Variants in SYNE1 observed in about 807,000 individuals in gnomAD.
SYNE1 encodes spectrin repeat containing nuclear envelope protein 1, also known as nesprin-1.
SYNE1 carries 616 observed loss-of-function variants against 1,111.0 expected under a neutral mutation model. The ratio of observed to expected loss-of-function variants is 0.55; its 90% CI spans 0.52 to 0.59. The LOEUF (loss-of-function observed/expected upper bound fraction) is 0.59. Ranked by LOEUF, SYNE1 falls within the 20% of genes least tolerant of loss-of-function variation. The probability of loss-of-function intolerance (pLI) is 0.00; values close to 1 mark genes in which losing one functional copy is unlikely to be tolerated. For synonymous variants in SYNE1, 3,855 were observed against 3,825.8 expected (o/e 1.01, Z -0.28); for missense variants, 10,006 against 10,417.0 (o/e 0.96, Z 1.72).
chr6:152,394,245 G>C (rs1461902799), intron 51 of SYNE1, among the ~76,000 whole-genome samples: 1 of 152,168 alleles, frequency 6.6e-6, no homozygotes, highest in African/African-American at 2.4e-5. Flanking sequence ...ATTTGGGTTG[G>C]TTCCAAGTCT....
At chr6:152,143,234 A>G (rs192417429) in intron 138 of SYNE1, among the ~76,000 whole-genome samples, 1 of 152,346 alleles carries the variant, frequency 6.6e-6, no homozygotes, top group Admixed American at 6.5e-5. Flanking sequence ...AGAACTACCA[A>G]AAAAACTGCA....
chr6:152,485,258 G>A (rs2098933081), intron 12 of SYNE1, among the ~76,000 whole-genome samples: 1 of 152,170 alleles, frequency 6.6e-6, no homozygotes, highest in South Asian at 2.1e-4. Flanking sequence ...TCAAGGACAA[G>A]TAGTAGAGGT....
At chr6:152,561,314 A>T (rs2099394532) in intron 3 of SYNE1, among the ~76,000 whole-genome samples, 1 of 152,188 alleles carries the variant, frequency 6.6e-6, no homozygotes, top group Non-Finnish European at 1.5e-5. Context: ...TAAATTTTAA[A>T]AATATTCTAT....
chr6:152,355,972 AAGG>A (rs1262052860), intron 66 of SYNE1, among the ~76,000 whole-genome samples: 1 of 152,228 alleles, frequency 6.6e-6, no homozygotes, highest in African/African-American at 2.4e-5. Context: ...ATGCACATGG[AAGG>A]AGAAGAACTA....
At chr6:152,475,782 A>G (rs576542592) in intron 14 of SYNE1, among the ~76,000 whole-genome samples, 1 of 152,332 alleles carries the variant, frequency 6.6e-6, no homozygotes, top group Non-Finnish European at 1.5e-5. Flanking sequence ...AAAGAAGGGA[A>G]AGGGCTGCAG....
Position 152,409,201 on chromosome 6 carries a change from T to A in SYNE1, c.6407A>T (p.Asn2136Ile). 1 of 1,614,166 alleles carries A rather than the reference T, an allele frequency of 6.2e-7. No individual in the cohort carries two copies. The highest frequency in any genetic ancestry group is 8.5e-7 in the Non-Finnish European group (1 of 1,180,020). Residue 2136 changes from asparagine (N) to isoleucine (I), a missense_variant, in exon 44 of 146, where the codon AAT becomes ATT. Physicochemically the swap from Asn to Ile is moderately radical, Grantham distance 149. Around this residue, in one of 7 missense-constraint regions of SYNE1, gnomAD observed 4,955 missense variants for 5,017.2 expected, o/e 0.99. Transcript: ENST00000367255. ...GTTATCCAAGTCTTTCTGTTTGTAA[T>A]TCATTTTGTTCTTGGCAGTTTCATG... is the stretch of plus-strand genomic sequence containing the variant. Reference protein sequence around the residue: ...SKHETAKNKMNYKQKDLDNFT... With the variant: ...SKHETAKNKMIYKQKDLDNFT...
rs533140703 is a variant in SYNE1, at chr6:152,426,111, A to G, written c.5101-564T>C. On this transcript the variant is annotated intron_variant, in intron 38 of 145. Coordinates refer to ENST00000367255, the MANE Select transcript of SYNE1 (RefSeq NM_182961.4). Reference sequence around the variant, plus strand: ...TTTTAAAAATGTAATCAGTCAACGAATCTCTTAAGTGCTGTGAGGTGCATA... The same window carrying G: ...TTTTAAAAATGTAATCAGTCAACGAGTCTCTTAAGTGCTGTGAGGTGCATA... 5.1e-4 allele frequency among the ~76,000 whole-genome samples: 77 copies of G among 152,346 alleles called. No individual in the cohort carries two copies. In the South Asian group the frequency reaches 5.4e-3, roughly 11 times the overall value.
In SYNE1 at chr6:152,493,919, C is replaced by T. The variant is rs185677435; in HGVS notation, c.939+4823G>A. On this transcript the variant is annotated intron_variant, in intron 11 of 145. Coordinates refer to ENST00000367255, the MANE Select transcript of SYNE1 (RefSeq NM_182961.4). ...ATAGATCCTAAATCCTTTCCCCACT[C>T]GTCTTTCCGTTCCTTAAAAACTGTC... Among the ~76,000 whole-genome samples, 26 of 152,324 alleles carry T rather than the reference C, an allele frequency of 1.7e-4. No homozygotes were observed. The East Asian group carries it at 4.2e-3, about 25-fold the overall frequency.
At chr6:152,196,486 G>GT (rs1291966254) in intron 127 of SYNE1, among the ~76,000 whole-genome samples, 3 of 151,972 alleles carry the variant, frequency 2.0e-5, no homozygotes, top group African/African-American at 7.3e-5. Flanking sequence ...GGGCTCTTTA[G>GT]TCAGCCGGTG....
chr6:152,290,495 G>A (rs2094550587), intron 95 of SYNE1, among the ~76,000 whole-genome samples: 1 of 152,176 alleles, frequency 6.6e-6, no homozygotes, highest in Admixed American at 6.5e-5. Context: ...AGGTGAGGTT[G>A]CAGTGAGCCA....
At chr6:152,223,736 G>A (rs1298372289) in intron 117 of SYNE1, among the ~76,000 whole-genome samples, 6 of 152,178 alleles carry the variant, frequency 3.9e-5, no homozygotes, top group Non-Finnish European at 7.3e-5. Flanking sequence ...GCTGGCCAGG[G>A]AGGCGGACTA....
chr6:152,152,269 T>A (rs1195108445), intron 133 of SYNE1, 128 bp from the exon 134 acceptor site: 1 of 841,370 alleles, frequency 1.2e-6, no homozygotes, highest in Admixed American at 1.9e-5. Context: ...AAGAATGATG[T>A]CTAATAACGG....
At chr6:152,272,175 T>G (rs921568530) in intron 98 of SYNE1, among the ~76,000 whole-genome samples, 1 of 152,244 alleles carries the variant, frequency 6.6e-6, no homozygotes, top group African/African-American at 2.4e-5. Flanking sequence ...AACATAAGAC[T>G]TGGACCACAG....
At chr6:152,606,797 G>A (rs1159146475) in intron 3 of SYNE1, among the ~76,000 whole-genome samples, 16 of 151,148 alleles carry the variant, frequency 1.1e-4, no homozygotes, top group East Asian at 7.9e-4. Flanking sequence ...ACAGGCGCCC[G>A]CCACCACGCC....
At chr6:152,340,241 G>A (rs984933313) in intron 74 of SYNE1, among the ~76,000 whole-genome samples, 5 of 152,180 alleles carry the variant, frequency 3.3e-5, no homozygotes, top group African/African-American at 1.2e-4. Context: ...TGGGTAGAGA[G>A]ACAGCAAATG....
At chr6:152,131,395 C>A (rs1340073565) in intron 144 of SYNE1, among the ~76,000 whole-genome samples, 1 of 146,468 alleles carries the variant, frequency 6.8e-6, no homozygotes, top group South Asian at 2.1e-4. Flanking sequence ...ATGTTTATAA[C>A]AAAAAAGTCA....
intron 63 of SYNE1, 146 bp downstream of exon 63, chr6:152,364,701 G>GAAGGAAGGAAGGAAGGAAGA: frequency 2.6e-6 from 2 of 778,116 alleles, no homozygotes; most frequent in African/African-American, 3.7e-5. Context: ...AGGAAGGAAG[G>GAAGGAAGGAAGGAAGGAAGA]AAGGAAGGAA....
intron 3 of SYNE1, among the ~76,000 whole-genome samples, chr6:152,584,959 T>C (rs2128458828): frequency 6.6e-6 from 1 of 152,336 alleles, no homozygotes; most frequent in East Asian, 1.9e-4. Flanking sequence ...TGATATGGCT[T>C]GGCTATGTCT....
intron 52 of SYNE1, 22 bp from the exon 53 acceptor site, chr6:152,390,474 T>C: frequency 6.2e-7 from 1 of 1,613,238 alleles, no homozygotes; most frequent in South Asian, 1.1e-5. Context: ...GAAAGAATAC[T>C]CATCAGTAGG....
Sources: allele counts gnomAD v4.1 joint callset (sites outside exome capture counted in the v4.1 genomes callset), GRCh38; gene constraint gnomAD v4.1.1; regional missense constraint gnomAD v4.1.1; transcripts MANE v1.5; gene names NCBI Gene and HGNC (gene_info 2026-07-23, HGNC 2026-07-21).